TMEM232: variants seen among roughly 807,000 people sequenced by gnomAD.
TMEM232 encodes transmembrane protein 232.
A neutral mutation model predicts 78.8 loss-of-function variants in TMEM232; 80 were observed. That is an observed-to-expected ratio of 1.01 (90% CI 0.85 to 1.22). TMEM232 has a LOEUF of 1.22. Among genes scored for constraint, TMEM232 ranks in the 50% most tolerant of loss-of-function variants. The pLI is 0.00. For missense variants in TMEM232, 881 were observed against 742.2 expected (o/e 1.19, Z -2.17); for synonymous variants, 297 against 254.3 (o/e 1.17, Z -1.60).
chr5:110,538,927 C>A (rs1392762375), intron 11 of TMEM232, among the ~76,000 whole-genome samples: 1 of 152,122 alleles, frequency 6.6e-6, no homozygotes, highest in African/African-American at 2.4e-5. Context: ...AAACAAGATT[C>A]TTTACTCCTC....
chr5:110,434,437 G>A (rs1053409596), intron 12 of TMEM232, among the ~76,000 whole-genome samples: 1 of 151,448 alleles, frequency 6.6e-6, no homozygotes, highest in South Asian at 2.1e-4. Context: ...ATCCTAAACA[G>A]ACCATTAAAA....
chr5:110,429,170 G>A (rs964589649), intron 12 of TMEM232, among the ~76,000 whole-genome samples: 16 of 151,896 alleles, frequency 1.1e-4, no homozygotes, highest in South Asian at 8.3e-4. Flanking sequence ...ACGGTATACC[G>A]GGAAAATGGC....
chr5:110,538,324 G>A (rs1373459505), intron 11 of TMEM232, among the ~76,000 whole-genome samples: 1 of 152,134 alleles, frequency 6.6e-6, no homozygotes, highest in East Asian at 1.9e-4. Context: ...GGGCCACGCA[G>A]TAATCAAAAT....
chr5:110,416,659 A>C (rs1158735531), downstream of TMEM232, among the ~76,000 whole-genome samples: 1 of 152,218 alleles, frequency 6.6e-6, no homozygotes, highest in Admixed American at 6.5e-5. Flanking sequence ...CACTCAGAAA[A>C]TAATTAACTA....
chr5:110,536,008 G>A (rs191076540), intron 11 of TMEM232, among the ~76,000 whole-genome samples: 8 of 152,310 alleles, frequency 5.3e-5, no homozygotes, highest in East Asian at 3.9e-4. Flanking sequence ...TCCTGCAACC[G>A]ATCAGACTGA....
intron 8 of TMEM232, among the ~76,000 whole-genome samples, chr5:110,608,172 A>T (rs1309576509): frequency 6.6e-6 from 1 of 151,910 alleles, no homozygotes; most frequent in East Asian, 1.9e-4. Flanking sequence ...TATGTACCCT[A>T]CCTCAGTCTT....
At chr5:110,622,295 C>G (rs1783848017) in intron 7 of TMEM232, among the ~76,000 whole-genome samples, 4 of 152,134 alleles carry the variant, frequency 2.6e-5, no homozygotes, top group Admixed American at 6.6e-5. Flanking sequence ...AGAATGTAAA[C>G]TCTGTCTTTG....
chr5:110,635,092 C>T (rs1447947182), intron 5 of TMEM232, among the ~76,000 whole-genome samples: 1 of 151,692 alleles, frequency 6.6e-6, no homozygotes, highest in Admixed American at 6.6e-5. Flanking sequence ...CTGGAGGAAA[C>T]GGATAAATTC....
intron 11 of TMEM232, among the ~76,000 whole-genome samples, chr5:110,565,671 C>T (rs1442066240): frequency 6.6e-6 from 1 of 151,996 alleles, no homozygotes; most frequent in African/African-American, 2.4e-5. Context: ...CTCTCACCTA[C>T]TGCTTTGGTA....
At chr5:110,586,605 C>T (rs1172183536) in intron 10 of TMEM232, among the ~76,000 whole-genome samples, 1 of 151,336 alleles carries the variant, frequency 6.6e-6, no homozygotes, top group Non-Finnish European at 1.5e-5. Context: ...ATTACACATA[C>T]AAATGTATCT....
At chr5:110,628,441 C>A (rs935235695) in intron 5 of TMEM232, among the ~76,000 whole-genome samples, 1 of 152,018 alleles carries the variant, frequency 6.6e-6, no homozygotes, top group East Asian at 1.9e-4. Flanking sequence ...AAAGACCTCT[C>A]ACAGGGTCAT....
At chr5:110,671,556 T>C (rs1278304497) in intron 1 of TMEM232, among the ~76,000 whole-genome samples, 1 of 152,184 alleles carries the variant, frequency 6.6e-6, no homozygotes, top group Non-Finnish European at 1.5e-5. Flanking sequence ...CACCATGGAA[T>C]ACTATGCAGA....
chr5:110,564,487 G>C (rs752445579), intron 11 of TMEM232, among the ~76,000 whole-genome samples: 3 of 151,946 alleles, frequency 2.0e-5, no homozygotes, highest in Non-Finnish European at 4.4e-5. Context: ...TTAACAAAAA[G>C]TTTAGTATTG....
chr5:110,413,580 A>T (rs952656203), intron 2 of TMEM232, among the ~76,000 whole-genome samples: 11 of 152,138 alleles, frequency 7.2e-5, no homozygotes, highest in Non-Finnish European at 4.4e-5. Context: ...GACCAAACTT[A>T]TCTTTCTAAT....
chr5:110,553,065 T>C (rs555791153), intron 11 of TMEM232, among the ~76,000 whole-genome samples: 3 of 152,296 alleles, frequency 2.0e-5, no homozygotes, highest in Non-Finnish European at 2.9e-5. Flanking sequence ...GTTTTATTTC[T>C]AGGTTCTCTA....
At chr5:110,429,467 A>C (rs1757591921) in intron 12 of TMEM232, among the ~76,000 whole-genome samples, 2 of 151,752 alleles carry the variant, frequency 1.3e-5, no homozygotes, top group South Asian at 4.1e-4. Flanking sequence ...TACTGGTAAA[A>C]AGTGAGTGTC....
chr5:110,676,779 T>A (rs1217740398), intron 1 of TMEM232, among the ~76,000 whole-genome samples: 1 of 136,308 alleles, frequency 7.3e-6, no homozygotes, highest in Non-Finnish European at 1.6e-5. Context: ...TTATTTAATA[T>A]ACGGAGTTTC....
At chr5:110,431,571 A>C (rs923351484) in intron 12 of TMEM232, among the ~76,000 whole-genome samples, 3 of 151,758 alleles carry the variant, frequency 2.0e-5, no homozygotes, top group African/African-American at 7.3e-5. Flanking sequence ...ATACTGGGCA[A>C]ATCTCACACA....
rs1324072035 is a variant in TMEM232 at position 110,625,410 on chromosome 5, A to G, written c.625T>C (p.Tyr209His). Residue 209 changes from tyrosine (Y) to histidine (H), a missense_variant, in exon 7 of 14, where the codon TAT (tyrosine) becomes CAT (histidine). Transcript: ENST00000455884. ...LYALSFSGAS[Y>H]HKYPNIFSNV... ...GAAAAGATGTTTGGATACTTGTGAT[A>G]TGATGCTCCAGAGAAAGAAAGTGCT... The G allele has an allele frequency of 2.0e-6, 3 of 1,533,668 alleles. No individual in the cohort carries two copies. Among genetic ancestry groups the G allele is most frequent in the Non-Finnish European group, 2.6e-6 (3 of 1,138,098 alleles).
Sources: gnomAD v4.1 joint callset for allele counts (sites outside exome capture counted in the v4.1 genomes callset) on GRCh38, gnomAD v4.1.1 for gene constraint, MANE v1.5 for transcripts, NCBI Gene and HGNC (gene_info 2026-07-23, HGNC 2026-07-21) for gene names.